The following TENM3 variants were observed in gnomAD, a reference collection of about 807,000 sequenced individuals.
TENM3 encodes teneurin transmembrane protein 3, also known as teneurin-3.
In TENM3, 63 loss-of-function variants were observed where a neutral mutation model predicts 255.1. That is an observed-to-expected ratio of 0.25 (90% CI 0.20 to 0.30). The LOEUF (loss-of-function observed/expected upper bound fraction) is 0.30. TENM3 is among the 10% of genes least tolerant of loss of function. TENM3 has a pLI of 1.00. For synonymous variants in TENM3, 1,306 were observed against 1,322.3 expected (o/e 0.99, Z 0.27); for missense variants, 2,929 against 3,461.1 (o/e 0.85, Z 3.86).
the TENM3 span, among the ~76,000 whole-genome samples, chr4:181,994,556 T>TTTTG: frequency 2.0e-5 from 3 of 147,348 alleles, no homozygotes; most frequent in African/African-American, 7.5e-5. Context: ...TTTTGTGGGT[T>TTTTG]TTTTTTTTTT....
rs1006498787 is a variant in TENM3, at chr4:182,616,979, A to C, written c.750-11672A>C. 2.6e-5 allele frequency among the ~76,000 whole-genome samples: 4 copies of C among 152,168 alleles called. No homozygotes were observed. The East Asian group carries it at 7.7e-4, about 29-fold the overall frequency. ...CATTATTTAAATAAACTATTTTTTCAGCTTTTAATTAGTTTGAACACATTG... is the reference window on the plus strand; with the variant it reads ...CATTATTTAAATAAACTATTTTTTCCGCTTTTAATTAGTTTGAACACATTG... On this transcript the variant is annotated intron_variant, in intron 4 of 27. Coordinates refer to ENST00000511685, the MANE Select transcript of TENM3 (RefSeq NM_001080477.4).
chr4:182,289,095 T>G lies in TENM3; in HGVS notation c.-75-34851T>G, dbSNP rs146187542. 4.2e-3 allele frequency among the ~76,000 whole-genome samples: 634 copies of G among 151,632 alleles called. 4 individuals are homozygous for G. Among genetic ancestry groups the G allele is most frequent in the African/African-American group, 0.014 (591 of 41,384 alleles). On this transcript the variant is annotated intron_variant, in intron 1 of 27. Coordinates refer to ENST00000511685, the MANE Select transcript of TENM3 (RefSeq NM_001080477.4). ...AAATTTAAAAATTAGCCTGGCATGG[T>G]GGTGCACACCTGTAGTCCCAGCTAC...
chr4:182,714,021 CTGTT>C, intron 12 of TENM3, 62 bp from the exon 13 acceptor site: 1 of 1,381,860 alleles, frequency 7.2e-7, no homozygotes, highest in Admixed American at 1.7e-5. Context: ...TGTCCCTTAT[CTGTT>C]TATTTTAGGT....
At chr4:182,082,598 C>A in the TENM3 span, among the ~76,000 whole-genome samples, 1 of 152,172 alleles carries the variant, frequency 6.6e-6, no homozygotes, top group Non-Finnish European at 1.5e-5. Context: ...CTGAGCTTAG[C>A]CCACTTGGCC....
chr4:182,157,776 G>A (rs749097322), intron 1 of TENM3, among the ~76,000 whole-genome samples: 22 of 152,268 alleles, frequency 1.4e-4, no homozygotes, highest in African/African-American at 2.4e-4. Context: ...AGGTAAGGGC[G>A]TTCCAGGAGA....
chr4:182,570,831 A>G (rs910891014), intron 3 of TENM3, among the ~76,000 whole-genome samples: 3 of 69,744 alleles, frequency 4.3e-5, no homozygotes, highest in Non-Finnish European at 1.2e-4. Context: ...CTCTGTGTCA[A>G]AAAAAAAAAC....
In TENM3 at chr4:182,610,400, G is replaced by A. The variant is rs547078591; in HGVS notation, c.749+9239G>A. ...AAAATCATAAAGATTATCTAATCTG[G>A]CCAAGTGTGGTGGCTCATGCCTGTA... is the stretch of plus-strand genomic sequence containing the variant. On this transcript the variant is annotated intron_variant, in intron 4 of 27. Transcript: ENST00000511685. Among the ~76,000 whole-genome samples the A allele has an allele frequency of 7.9e-5, 12 of 152,266 alleles. No homozygotes were observed. The South Asian group carries it at 2.3e-3, about 29-fold the overall frequency.
chr4:182,276,109 A>AG (rs557567776), intron 1 of TENM3, among the ~76,000 whole-genome samples: 1 of 152,268 alleles, frequency 6.6e-6, no homozygotes, highest in African/African-American at 2.4e-5. Context: ...GGATTTAAAG[A>AG]GGGGGCTGGC....
chr4:182,048,185 T>C, the TENM3 span, among the ~76,000 whole-genome samples: 1 of 152,190 alleles, frequency 6.6e-6, no homozygotes, highest in Admixed American at 6.5e-5. Flanking sequence ...AATTTAGATA[T>C]TCCAGAGTTC....
chr4:182,354,116 A>G (rs1019741152), intron 3 of TENM3, among the ~76,000 whole-genome samples: 3 of 152,144 alleles, frequency 2.0e-5, no homozygotes, highest in African/African-American at 7.2e-5. Context: ...TTCTAAGAGG[A>G]TTTTCAGAAA....
chr4:181,898,376 T>C, the TENM3 span, among the ~76,000 whole-genome samples: 1 of 152,330 alleles, frequency 6.6e-6, no homozygotes, highest in African/African-American at 2.4e-5. Context: ...TCTACATTTT[T>C]ACTCGTCTCT....
At chr4:181,620,060 T>G in the TENM3 span, among the ~76,000 whole-genome samples, 1 of 152,042 alleles carries the variant, frequency 6.6e-6, no homozygotes, top group Non-Finnish European at 1.5e-5. Flanking sequence ...CAGGAGTTTC[T>G]GTCCAGCCTG....
At chr4:181,809,304 C>A in the TENM3 span, among the ~76,000 whole-genome samples, 1 of 152,182 alleles carries the variant, frequency 6.6e-6, no homozygotes, top group South Asian at 2.1e-4. Context: ...GAGTGAAGAA[C>A]ATAAATTTCG....
At chr4:182,779,407 C>A (rs995872363) in intron 24 of TENM3, among the ~76,000 whole-genome samples, 2 of 152,096 alleles carry the variant, frequency 1.3e-5, no homozygotes, top group Non-Finnish European at 2.9e-5. Context: ...TTTATGGCTG[C>A]ATAGTATTCC....
At chr4:181,683,180 C>T in the TENM3 span, among the ~76,000 whole-genome samples, 1 of 151,896 alleles carries the variant, frequency 6.6e-6, no homozygotes, top group African/African-American at 2.4e-5. Flanking sequence ...ATATTGAGCA[C>T]TCATTATATA....
rs754524648 is a variant in TENM3, at chr4:182,789,301, G to C, written c.5513G>C (p.Ser1838Thr). 1 of 1,613,854 alleles carries C rather than the reference G, an allele frequency of 6.2e-7. No individual in the cohort carries two copies. Among genetic ancestry groups the C allele is most frequent in the South Asian group, 1.1e-5 (1 of 90,986 alleles). ...QIASIQRGTTSEKVDYDGQGR... is the reference protein window; with the variant it reads ...QIASIQRGTTTEKVDYDGQGR... The stretch of plus-strand genomic sequence containing the variant: ...GCCAGCATCCAGCGAGGCACCACTA[G>C]CGAGAAAGTAGATTATGACGGACAG... Residue 1838 changes from serine (S) to threonine (T), a missense_variant, in exon 25 of 28, where the codon AGC (serine) becomes ACC (threonine). Ser to Thr is a moderately conservative substitution (Grantham distance 58). This residue lies in a region of TENM3 where 303 missense variants were observed against 425.2 expected (regional missense o/e 0.71). Transcript: ENST00000511685. This position sits in a 1 kb window ranked among gnomAD's most constrained non-coding sequence, Gnocchi z 4.4.
At chr4:181,661,608 G>T in the TENM3 span, among the ~76,000 whole-genome samples, 175 of 152,206 alleles carry the variant, frequency 1.1e-3, 5 homozygotes, top group Non-Finnish European at 1.2e-3. Flanking sequence ...AGCCCCTACT[G>T]AATTGCGAGC....
chr4:182,281,248 T>G (rs1760368265), intron 1 of TENM3, among the ~76,000 whole-genome samples: 1 of 152,218 alleles, frequency 6.6e-6, no homozygotes, highest in Admixed American at 6.5e-5. Flanking sequence ...TAGAAATATT[T>G]AATACTATAA....
intron 1 of TENM3, among the ~76,000 whole-genome samples, chr4:182,166,119 C>T (rs1288657971): frequency 1.3e-5 from 2 of 152,166 alleles, no homozygotes; most frequent in African/African-American, 2.4e-5. Context: ...TGTATGTTGA[C>T]CCAGGTTACT....
Sources: gnomAD v4.1 joint callset for allele counts (sites outside exome capture counted in the v4.1 genomes callset) on GRCh38, gnomAD v4.1.1 for gene constraint, gnomAD v4.1.1 regional missense constraint, Gnocchi (gnomAD v3.1) non-coding constraint, MANE v1.5 for transcripts, NCBI Gene and HGNC (gene_info 2026-07-23, HGNC 2026-07-21) for gene names.